LRRIQ1: variants seen among roughly 807,000 people sequenced by gnomAD.
LRRIQ1 encodes the protein leucine-rich repeat- and IQ domain-containing protein 1.
Under a neutral mutation model 211.9 loss-of-function variants are expected in LRRIQ1, and 210 were observed. That is an observed-to-expected ratio of 0.99 (90% CI 0.89 to 1.11). The LOEUF is 1.11. Among genes scored for constraint, LRRIQ1 ranks in the 50% most tolerant of loss-of-function variants. The pLI is 0.00. For missense variants in LRRIQ1, 2,136 were observed against 1,939.5 expected (o/e 1.10, Z -1.90); for synonymous variants, 699 against 650.1 (o/e 1.08, Z -1.14).
In LRRIQ1 at chr12:85,152,382, G is replaced by A. The variant is rs757112597; in HGVS notation, c.4419+13G>A. 1 of 1,599,892 alleles carries A rather than the reference G, an allele frequency of 6.3e-7. No individual in the cohort carries two copies. The highest frequency in any genetic ancestry group is 8.5e-7 in the Non-Finnish European group (1 of 1,169,674). On this transcript the variant is annotated intron_variant, in intron 20 of 26. Coordinates refer to ENST00000393217, the MANE Select transcript of LRRIQ1 (RefSeq NM_001079910.2). ...GCATTGGCCAAAGGTAACATGTCAT[G>A]GAAACTTCTGAGTCCTCGATCTTTG...
chr12:85,063,773 A>G (rs1423117192), intron 8 of LRRIQ1, among the ~76,000 whole-genome samples: 1 of 151,744 alleles, frequency 6.6e-6, no homozygotes, highest in Non-Finnish European at 1.5e-5. Context: ...AGTTCCCACA[A>G]ATAAGCGAGG....
the LRRIQ1 span, among the ~76,000 whole-genome samples, chr12:85,271,212 A>C: frequency 3.9e-5 from 6 of 152,198 alleles, no homozygotes; most frequent in South Asian, 1.2e-3. Context: ...GGAAGCTTTG[A>C]TTTGAAAGAG....
intron 2 of LRRIQ1, among the ~76,000 whole-genome samples, chr12:85,039,818 C>T (rs1049267838): frequency 6.6e-6 from 1 of 151,498 alleles, no homozygotes; most frequent in Non-Finnish European, 1.5e-5. Context: ...TATGTAACTT[C>T]AAGATTATTA....
chr12:85,201,751 A>G (rs1179209651), intron 24 of LRRIQ1, among the ~76,000 whole-genome samples: 1 of 152,038 alleles, frequency 6.6e-6, no homozygotes, highest in Non-Finnish European at 1.5e-5. Flanking sequence ...GGATTTATCA[A>G]TCGTTTGTAT....
chr12:85,168,797 C>A (rs1234024147), intron 24 of LRRIQ1, among the ~76,000 whole-genome samples: 1 of 152,184 alleles, frequency 6.6e-6, no homozygotes, highest in Non-Finnish European at 1.5e-5. Context: ...TTCCACCATT[C>A]TATCAATGCA....
At chr12:85,238,964 T>C (rs1472102247) in intron 26 of LRRIQ1, among the ~76,000 whole-genome samples, 1 of 152,124 alleles carries the variant, frequency 6.6e-6, no homozygotes, top group Non-Finnish European at 1.5e-5. Context: ...TTCTAAATAT[T>C]AGCAATAAAG....
At chr12:85,232,505 C>G (rs955663361) in intron 25 of LRRIQ1, among the ~76,000 whole-genome samples, 191 bp from the exon 26 acceptor site, 1 of 152,060 alleles carries the variant, frequency 6.6e-6, no homozygotes, top group Non-Finnish European at 1.5e-5. Flanking sequence ...AGTTTTATCT[C>G]AAATTGATTT....
intron 18 of LRRIQ1, among the ~76,000 whole-genome samples, chr12:85,135,627 G>T (rs1889070661): frequency 8.2e-6 from 1 of 121,400 alleles, no homozygotes; most frequent in Non-Finnish European, 1.8e-5. Context: ...GATTAATGAG[G>T]TCTCCTAGCA....
chr12:85,096,203 T>C (rs359990), intron 11 of LRRIQ1, among the ~76,000 whole-genome samples: 90,650 of 151,968 alleles, frequency 0.6, 29,323 homozygotes, highest in African/African-American at 0.86. Flanking sequence ...GTTCCACTAG[T>C]TTTGGGGTTA....
chr12:85,195,107 C>T (rs1892824923), intron 24 of LRRIQ1, among the ~76,000 whole-genome samples: 1 of 152,080 alleles, frequency 6.6e-6, no homozygotes, highest in Non-Finnish European at 1.5e-5. Flanking sequence ...CATACACTCT[C>T]CCAAGACTAA....
chr12:85,129,173 AC>A (rs1888583682), intron 18 of LRRIQ1, among the ~76,000 whole-genome samples: 1 of 152,158 alleles, frequency 6.6e-6, no homozygotes, highest in African/African-American at 2.4e-5. Context: ...TGTTGATCAC[AC>A]TCATTTTTAA....
intron 17 of LRRIQ1, among the ~76,000 whole-genome samples, chr12:85,125,724 A>G (rs1053962747): frequency 6.6e-6 from 1 of 152,074 alleles, no homozygotes; most frequent in Non-Finnish European, 1.5e-5. Context: ...TGGCTTTAAT[A>G]TTTTCTGATT....
At chr12:85,137,593 A>AC (rs1889223272) in intron 18 of LRRIQ1, among the ~76,000 whole-genome samples, 1 of 151,590 alleles carries the variant, frequency 6.6e-6, no homozygotes, top group South Asian at 2.1e-4. Flanking sequence ...TGGTTGACCT[A>AC]CATGTGCAGT....
intron 24 of LRRIQ1, among the ~76,000 whole-genome samples, chr12:85,207,526 A>G (rs1893620068): frequency 6.6e-6 from 1 of 152,142 alleles, no homozygotes; most frequent in Admixed American, 6.5e-5. Flanking sequence ...TTTAATTTTA[A>G]TGAAGTCTGA....
chr12:85,068,568 G>T (rs1045585158), intron 10 of LRRIQ1, among the ~76,000 whole-genome samples: 29 of 151,568 alleles, frequency 1.9e-4, no homozygotes, highest in African/African-American at 6.8e-4. Context: ...CATACTTCAG[G>T]AGACAGTTTT....
Position 85,098,386 on chromosome 12 carries a change from A to G in LRRIQ1, c.2919A>G (p.Gln973=). Residue 973 remains glutamine, a synonymous_variant, in exon 12 of 27, where the codon CAA becomes CAG. Transcript: ENST00000393217. ...CGLESLKNLQ[Q]LILDHNQLIN... is the part of the protein sequence containing the mutation. Reference sequence around the variant, plus strand: ...TAGAATCTTTGAAAAATCTTCAACAACTAATTTTGGACCACAATCAGTTAA... The same window carrying G: ...TAGAATCTTTGAAAAATCTTCAACAGCTAATTTTGGACCACAATCAGTTAA... 1.2e-6 allele frequency: 2 copies of G among 1,609,176 alleles called. No homozygotes were observed. The highest frequency in any genetic ancestry group is 1.7e-6 in the Non-Finnish European group (2 of 1,177,670).
intron 24 of LRRIQ1, among the ~76,000 whole-genome samples, chr12:85,224,835 A>G (rs144067116): frequency 9.7e-4 from 148 of 152,210 alleles, no homozygotes; most frequent in African/African-American, 3.5e-3. Flanking sequence ...GTATAGTTAT[A>G]TAACAAAACT....
intron 26 of LRRIQ1, among the ~76,000 whole-genome samples, chr12:85,235,167 G>A (rs1158667567): frequency 6.6e-6 from 1 of 152,116 alleles, no homozygotes; most frequent in African/African-American, 2.4e-5. Flanking sequence ...TGCATGATAG[G>A]AATTAGAAAA....
chr12:85,196,682 T>C lies in LRRIQ1; in HGVS notation c.4823-32835T>C, dbSNP rs1892933878. On this transcript the variant is annotated intron_variant, in intron 24 of 26. Transcript: ENST00000393217. ...ACCTTATACAAAAATCAATTCGAGA[T>C]GGATTAAAGACTTAAACATTAGACC... Among the ~76,000 whole-genome samples the C allele has an allele frequency of 2.6e-5, 4 of 152,236 alleles. 1 individual carries two copies. Among genetic ancestry groups the C allele is most frequent in the South Asian group, 4.1e-4 (2 of 4,828 alleles).
Sources: allele counts gnomAD v4.1 joint callset (sites outside exome capture counted in the v4.1 genomes callset), GRCh38; gene constraint gnomAD v4.1.1; transcripts MANE v1.5; gene names NCBI Gene and HGNC (gene_info 2026-07-23, HGNC 2026-07-21).